ZFHX3: variants seen among roughly 807,000 people sequenced by gnomAD.
The protein encoded by ZFHX3 is zinc finger homeobox protein 3.
A neutral mutation model predicts 279.1 loss-of-function variants in ZFHX3; 42 were observed. The observed-to-expected ratio is 0.15, with a 90% CI of 0.12 to 0.19. ZFHX3 has a LOEUF of 0.19. Ranked by LOEUF, ZFHX3 falls within the 10% of genes least tolerant of loss-of-function variation. The probability of loss-of-function intolerance (pLI) is 1.00; values close to 1 mark genes in which losing one functional copy is unlikely to be tolerated. For synonymous variants in ZFHX3, 2,293 were observed against 1,957.8 expected, an observed-to-expected ratio of 1.17 and a Z score of -4.52; for missense variants, 4,981 against 4,754.0, an observed-to-expected ratio of 1.05 and a Z score of -1.40.
Position 73,459,659 on chromosome 16 carries a change from C to T in ZFHX3, c.-1546-3401G>A, listed in dbSNP as rs189163873. ...CTGGGATTACAGGTGTGAGCCACCACGCCCAGCCAGGAAAGAGGTTTCATT... is the reference window on the plus strand; with the variant it reads ...CTGGGATTACAGGTGTGAGCCACCATGCCCAGCCAGGAAAGAGGTTTCATT... On this transcript the variant is annotated intron_variant, in intron 2 of 17. Coordinates refer to the ZFHX3 transcript ENST00000641206. Among the ~76,000 whole-genome samples the T allele has an allele frequency of 5.9e-5, 9 of 152,248 alleles. No individual in the cohort carries two copies. The South Asian group carries it at 8.3e-4, about 14-fold the overall frequency.
intron 1 of ZFHX3, among the ~76,000 whole-genome samples, chr16:73,739,404 C>A (rs1409523690): frequency 6.6e-6 from 1 of 152,162 alleles, no homozygotes; most frequent in East Asian, 1.9e-4. Context: ...TTAGCAGCAT[C>A]CCTTACCTCT....
intron 4 of ZFHX3, among the ~76,000 whole-genome samples, chr16:72,888,619 G>A (rs1292645006): frequency 1.3e-5 from 2 of 152,226 alleles, no homozygotes; most frequent in Admixed American, 6.5e-5. Flanking sequence ...GAAGTCAGAG[G>A]ACAAGAGAAA....
intron 1 of ZFHX3, among the ~76,000 whole-genome samples, chr16:73,790,190 A>G (rs887762592): frequency 4.6e-5 from 7 of 152,032 alleles, no homozygotes; most frequent in African/African-American, 1.7e-4. Flanking sequence ...AATTGTTGGC[A>G]CTTCTCTCAA....
intron 2 of ZFHX3, among the ~76,000 whole-genome samples, chr16:73,613,949 C>T (rs1439303808): frequency 6.6e-6 from 1 of 152,208 alleles, no homozygotes; most frequent in Non-Finnish European, 1.5e-5. Context: ...ACCCTCAGCA[C>T]ACTGCAGTTT....
chr16:72,821,538 T>C (rs1567533258), intron 5 of ZFHX3, among the ~76,000 whole-genome samples: 1 of 152,238 alleles, frequency 6.6e-6, no homozygotes, highest in African/African-American at 2.4e-5. Context: ...CAGGTACTCC[T>C]CAGGAACTGA....
At chr16:73,127,927 T>C (rs1209408534) in intron 7 of ZFHX3, among the ~76,000 whole-genome samples, 1 of 152,220 alleles carries the variant, frequency 6.6e-6, no homozygotes, top group African/African-American at 2.4e-5. Flanking sequence ...GTGATGCATG[T>C]CCCTGCTGGG....
chr16:73,547,146 G>A (rs1341911460), intron 2 of ZFHX3, among the ~76,000 whole-genome samples: 2 of 152,068 alleles, frequency 1.3e-5, no homozygotes, highest in Non-Finnish European at 2.9e-5. Context: ...TTTATTCTTT[G>A]TGTAAAAATG....
In ZFHX3 at chr16:72,787,253, G is replaced by T. The variant is rs141983735; in HGVS notation, c.11023C>A (p.Pro3675Thr). 53 of 1,613,940 alleles carry T rather than the reference G, an allele frequency of 3.3e-5. No individual in the cohort carries two copies. The African/African-American group carries it at 6.1e-4, about 19-fold the overall frequency. ...TTGGGACCCTCCACCGGGCTCGCCG[G>T]TCCGTCGGACTTTTGGCTGAGATCC... is the stretch of plus-strand genomic sequence containing the variant. Reference protein sequence around the residue: ...DTDLSQKSDGPASPVEGPKDP... With the variant: ...DTDLSQKSDGTASPVEGPKDP... The change falls in exon 10 of 10, where the codon CCG (proline) becomes ACG (threonine). Residue 3675 changes from proline to threonine, a missense_variant. Physicochemically the swap from Pro to Thr is conservative, Grantham distance 38. Coordinates refer to ENST00000268489, the MANE Select transcript of ZFHX3 (RefSeq NM_006885.4).
chr16:73,437,111 T>C (rs918438159), intron 3 of ZFHX3, among the ~76,000 whole-genome samples: 1 of 152,164 alleles, frequency 6.6e-6, no homozygotes, highest in Non-Finnish European at 1.5e-5. Flanking sequence ...AGTAGAAACT[T>C]AATTTTGGAG....
intron 3 of ZFHX3, among the ~76,000 whole-genome samples, chr16:72,938,836 C>G (rs1960263256): frequency 6.6e-6 from 1 of 152,120 alleles, no homozygotes; most frequent in Non-Finnish European, 1.5e-5. Flanking sequence ...GCAGCCATCA[C>G]TAATGTGAAC....
chr16:72,887,765 G>A (rs373551832), intron 4 of ZFHX3, among the ~76,000 whole-genome samples: 17 of 151,856 alleles, frequency 1.1e-4, no homozygotes, highest in Admixed American at 9.2e-4. Flanking sequence ...GTGTGTGAGT[G>A]TATACAGGGG....
At chr16:72,881,759 C>A (rs576874000) in intron 4 of ZFHX3, among the ~76,000 whole-genome samples, 3 of 152,158 alleles carry the variant, frequency 2.0e-5, no homozygotes, top group African/African-American at 4.8e-5. Context: ...GCTACACTGT[C>A]GGCTTTAGGA....
At chr16:73,297,231 G>T (rs1318912101) in intron 4 of ZFHX3, among the ~76,000 whole-genome samples, 1 of 151,904 alleles carries the variant, frequency 6.6e-6, no homozygotes, top group Admixed American at 6.6e-5. Context: ...GTTAAGAAAG[G>T]CTAAGTAATT....
In ZFHX3 at chr16:73,846,649, C is replaced by G. The variant is rs146383920; in HGVS notation, c.-1608+45002G>C. Among the ~76,000 whole-genome samples, 803 of 152,286 alleles carry G rather than the reference C, an allele frequency of 5.3e-3. 5 individuals carry two copies. Among genetic ancestry groups the G allele is most frequent in the Non-Finnish European group, 9.1e-3 (619 of 68,028 alleles). ...TGCCTCTGCAGTAAGCCAAATGTCT[C>G]GGCGCCCCCTTGCTACTTACTTGTG... On this transcript the variant is annotated intron_variant, in intron 1 of 17. Coordinates refer to the ZFHX3 transcript ENST00000641206.
chr16:73,451,563 G>A (rs1459524177), intron 3 of ZFHX3, among the ~76,000 whole-genome samples: 5 of 152,150 alleles, frequency 3.3e-5, no homozygotes, highest in Admixed American at 2.6e-4. Flanking sequence ...GAAAGCATCG[G>A]TATTTTTGCT....
intron 2 of ZFHX3, among the ~76,000 whole-genome samples, chr16:73,476,906 A>G (rs2018775152): frequency 1.3e-5 from 2 of 152,246 alleles, no homozygotes; most frequent in African/African-American, 4.8e-5. Flanking sequence ...GAAAATTTGA[A>G]CCAATTATTA....
intron 3 of ZFHX3, among the ~76,000 whole-genome samples, chr16:73,348,283 G>A (rs1249929682): frequency 6.6e-6 from 1 of 152,098 alleles, no homozygotes; most frequent in Non-Finnish European, 1.5e-5. Context: ...CTAAGGAAAA[G>A]CCTAGCATTG....
At chr16:72,984,871 T>C (rs1423967674) in intron 1 of ZFHX3, among the ~76,000 whole-genome samples, 1 of 152,200 alleles carries the variant, frequency 6.6e-6, no homozygotes, top group African/African-American at 2.4e-5. Context: ...TACATATGTA[T>C]GTATACATGT....
At chr16:73,874,327 GGGTCT>G (rs1468494813) in intron 1 of ZFHX3, among the ~76,000 whole-genome samples, 1 of 152,120 alleles carries the variant, frequency 6.6e-6, no homozygotes, top group African/African-American at 2.4e-5. Flanking sequence ...GGCAAAATTT[GGGTCT>G]GGTGGAAGAA....
Sources: allele counts gnomAD v4.1 joint callset (sites outside exome capture counted in the v4.1 genomes callset), GRCh38; gene constraint gnomAD v4.1.1; transcripts MANE v1.5; gene names NCBI Gene and HGNC (gene_info 2026-07-23, HGNC 2026-07-21).